A2ML1: variants seen among roughly 807,000 people sequenced by gnomAD.
A2ML1 encodes the protein alpha-2-macroglobulin like 1.
Under a neutral mutation model 181.9 loss-of-function variants are expected in A2ML1, and 161 were observed. That is an observed-to-expected ratio of 0.89 (90% CI 0.78 to 1.01). A2ML1 has a LOEUF of 1.01. Among genes scored for constraint, A2ML1 ranks in the 50% least tolerant of loss-of-function variants. The probability of loss-of-function intolerance (pLI) is 0.00; values close to 1 mark genes in which losing one functional copy is unlikely to be tolerated. For synonymous variants in A2ML1, 663 were observed against 666.8 expected (o/e 0.99, Z 0.09); for missense variants, 1,670 against 1,768.1 (o/e 0.94, Z 1.00).
chr12:8,875,162 T>C (rs1944762159), intron 35 of A2ML1, 150 bp downstream of exon 35: 1 of 770,444 alleles, frequency 1.3e-6, no homozygotes, highest in Non-Finnish European at 2.1e-6. Flanking sequence ...GTTGAGTGGC[T>C]CACTTCCCAG....
intron 4 of A2ML1, among the ~76,000 whole-genome samples, chr12:8,830,210 C>T (rs1159289363): frequency 1.3e-5 from 2 of 151,990 alleles, no homozygotes; most frequent in Non-Finnish European, 2.9e-5. Flanking sequence ...CACCATCACG[C>T]CTGGCTAATT....
At chr12:8,857,032 C>T (rs748488171) in intron 23 of A2ML1, 132 bp from the exon 24 acceptor site, 5 of 863,420 alleles carry the variant, frequency 5.8e-6, no homozygotes, top group Non-Finnish European at 8.6e-6. Context: ...AGGCGTGAGC[C>T]ACCACGCCCG....
intron 34 of A2ML1, 78 bp from the exon 35 acceptor site, chr12:8,874,893 C>A: frequency 7.1e-7 from 1 of 1,410,116 alleles, no homozygotes; most frequent in Non-Finnish European, 1.0e-6. Flanking sequence ...GGGGCTCAAG[C>A]AGTAGCTTTT....
chr12:8,843,049 G>T, intron 11 of A2ML1, 85 bp from the exon 12 acceptor site: 1 of 1,184,006 alleles, frequency 8.4e-7, no homozygotes, highest in Non-Finnish European at 1.2e-6. Context: ...GAGAGAAAGA[G>T]CTCTATTTGA....
chr12:8,847,719 A>G, intron 15 of A2ML1, 21 bp downstream of exon 15: 1 of 1,602,300 alleles, frequency 6.2e-7, no homozygotes, highest in Non-Finnish European at 8.5e-7. Flanking sequence ...GTCTGCTGAC[A>G]GAGTGGGAGG....
At chr12:8,834,755 A>G in intron 5 of A2ML1, 73 bp downstream of exon 5, 1 of 1,580,836 alleles carries the variant, frequency 6.3e-7, no homozygotes, top group Non-Finnish European at 8.7e-7. Context: ...GTACACCTTG[A>G]AGACAGAAGC....
Position 8,867,879 on chromosome 12 carries a change from C to A in A2ML1, c.3755C>A (p.Ala1252Asp). The stretch of plus-strand genomic sequence containing the variant: ...GCTCTCCAAGCTCTTGCCAAATATG[C>A]CACTACCGCCTACATGCCATCTGAG... ...VVALQALAKY[A>D]TTAYMPSEEI... Residue 1252 changes from alanine (A) to aspartate (D), a missense_variant, in exon 30 of 36, where the codon GCC (alanine) becomes GAC (aspartate). Coordinates refer to ENST00000299698, the MANE Select transcript of A2ML1 (RefSeq NM_144670.6). 6.2e-7 allele frequency: 1 copy of A among 1,614,222 alleles called. No homozygotes were observed. Among genetic ancestry groups the A allele is most frequent in the South Asian group, 1.1e-5 (1 of 91,088 alleles).
intron 14 of A2ML1, 94 bp from the exon 15 acceptor site, chr12:8,847,455 T>G (rs1193666054): frequency 1.3e-5 from 18 of 1,396,968 alleles, no homozygotes; most frequent in Non-Finnish European, 1.7e-5. Flanking sequence ...TTGGATGTCA[T>G]AGCTGGGGCA....
intron 32 of A2ML1, 56 bp from the exon 33 acceptor site, chr12:8,869,079 T>C: frequency 1.9e-6 from 3 of 1,556,824 alleles, no homozygotes; most frequent in East Asian, 2.2e-5. Flanking sequence ...TTTGGAAGAC[T>C]ACCCCAGGGA....
rs755052089 is a variant in A2ML1 at position 8,868,580 on chromosome 12, G to T, written c.4105G>T (p.Val1369Leu). ...CTCTTCCAATATGGCTATTGTGGAA[G>T]TGAAGATGCTATCTGGGTTCAGTCC... ...RSSSNMAIVE[V>L]KMLSGFSPME... Residue 1369 changes from valine to leucine, a missense_variant, in exon 32 of 36, where the codon GTG (valine) becomes TTG (leucine). Coordinates refer to ENST00000299698, the MANE Select transcript of A2ML1 (RefSeq NM_144670.6). 3 of 1,614,116 alleles carry T rather than the reference G, an allele frequency of 1.9e-6. No homozygotes were observed. In the East Asian group the frequency reaches 6.7e-5, roughly 36 times the overall value.
chr12:8,854,130 C>A lies in A2ML1; in HGVS notation c.2593C>A (p.His865Asn). The A allele has an allele frequency of 6.3e-7, 1 of 1,585,428 alleles. No homozygotes were observed. The highest frequency in any genetic ancestry group is 1.3e-5 in the African/African-American group (1 of 74,362). The change falls in exon 21 of 36, where the codon CAC (histidine) becomes AAC (asparagine). Residue 865 changes from histidine to asparagine, a missense_variant and splice_region_variant. By Grantham distance (68) the His-to-Asn change is moderately conservative (BLOSUM62 1). Transcript: ENST00000299698. ...GCTTCCCTTCTTCTTTCTCTCAGGT[C>A]ACATTAACTTTACTATTAGTACAAA... ...HWNITAVKLG[H>N]INFTISTKIL...
At position 8,835,551 on chromosome 12, in the gene A2ML1, T is replaced by C. The variant is rs770938725; in HGVS notation, c.528T>C (p.Pro176=). Residue 176 remains proline, a synonymous_variant, in exon 6 of 36, where the codon CCT becomes CCC. Coordinates refer to ENST00000299698, the MANE Select transcript of A2ML1 (RefSeq NM_144670.6). The part of the protein sequence containing the change: ...NRIAQWLEVV[P]EQGIVDLSFQ... ...TTGCACAGTGGCTGGAAGTGGTACC[T>C]GAGCAAGGCATTGTAGACCTGTCCT... is the stretch of plus-strand genomic sequence containing the variant. The C allele has an allele frequency of 3.0e-5, 48 of 1,614,188 alleles. No individual in the cohort carries two copies. Among genetic ancestry groups the C allele is most frequent in the Admixed American group, 2.8e-4 (17 of 60,024 alleles).
intron 10 of A2ML1, among the ~76,000 whole-genome samples, chr12:8,840,953 A>G (rs977894322): frequency 1.3e-5 from 2 of 149,444 alleles, no homozygotes; most frequent in African/African-American, 2.5e-5. Flanking sequence ...GAAAGAAGGA[A>G]GGAAGGAAGG....
At chr12:8,823,523 C>A in intron 2 of A2ML1, 158 bp downstream of exon 2, 2 of 1,072,244 alleles carry the variant, frequency 1.9e-6, no homozygotes, top group South Asian at 1.6e-5. Context: ...TATAACTCAC[C>A]CACGGTTTCC....
rs977688382 is a variant in A2ML1 at position 8,864,902 on chromosome 12, C to T, written c.3717+894C>T. Reference sequence around the variant, plus strand: ...AGTCTTAGCCGGGCACAGTGACTCACGCCTATAATCCCAGCACTTTGGCAG... The same window carrying T: ...AGTCTTAGCCGGGCACAGTGACTCATGCCTATAATCCCAGCACTTTGGCAG... On this transcript the variant is annotated intron_variant, in intron 29 of 35. Transcript: ENST00000299698. Among the ~76,000 whole-genome samples, 2 of 15,294 alleles carry T rather than the reference C, an allele frequency of 1.3e-4. 1 individual carries two copies. Among genetic ancestry groups the T allele is most frequent in the African/African-American group, 1.4e-4 (2 of 14,350 alleles). 10.0% of individuals were successfully genotyped at this position (15,294 alleles called of 152,430 possible).
At chr12:8,853,852 C>T (rs1565482535) in intron 20 of A2ML1, among the ~76,000 whole-genome samples, 1 of 152,206 alleles carries the variant, frequency 6.6e-6, no homozygotes, top group Non-Finnish European at 1.5e-5. Flanking sequence ...AAGCGAGTCA[C>T]TCAATCCAGC....
In A2ML1 at chr12:8,843,149, G is replaced by C. The variant is rs376571470; in HGVS notation, c.1264G>C (p.Glu422Gln). The C allele has an allele frequency of 6.2e-7, 1 of 1,613,886 alleles. No individual in the cohort carries two copies. Among genetic ancestry groups the C allele is most frequent in the Admixed American group, 1.7e-5 (1 of 59,982 alleles). Residue 422 changes from glutamate to glutamine, a missense_variant, in exon 12 of 36, where the codon GAA becomes CAA. Physicochemically the swap from Glu to Gln is conservative, Grantham distance 29 (BLOSUM62 2). Coordinates refer to ENST00000299698, the MANE Select transcript of A2ML1 (RefSeq NM_144670.6). ...DVSLEGKFQM[E>Q]DLVYNPEQVP... ...TTATTCTCAGGGAAAGTTTCAAATG[G>C]AAGACTTAGTATATAATCCGGAACA...
chr12:8,863,831 A>G lies in A2ML1; in HGVS notation c.3540A>G (p.Ser1180=), dbSNP rs761408438. The part of the protein sequence containing the change: ...SIYWSQKPTP[S]SNASPWSEPA... The stretch of plus-strand genomic sequence containing the variant: ...ACTGGAGCCAGAAACCTACTCCATC[A>G]TCGAACGCCAGCCCTTGGTCTGAGC... Residue 1180 remains serine, a synonymous_variant, in exon 29 of 36, where the codon TCA becomes TCG. Coordinates refer to ENST00000299698, the MANE Select transcript of A2ML1 (RefSeq NM_144670.6). 14 of 1,614,084 alleles carry G rather than the reference A, an allele frequency of 8.7e-6. No individual in the cohort carries two copies. The highest frequency in any genetic ancestry group is 1.2e-5 in the Non-Finnish European group (14 of 1,180,026).
chr12:8,832,619 C>T (rs978368871), intron 4 of A2ML1, among the ~76,000 whole-genome samples: 3 of 152,130 alleles, frequency 2.0e-5, no homozygotes, highest in South Asian at 2.1e-4. Flanking sequence ...TTTGCAAAGG[C>T]GGCTTCAGTC....
Sources: gnomAD v4.1 joint callset for allele counts (sites outside exome capture counted in the v4.1 genomes callset) on GRCh38, gnomAD v4.1.1 for gene constraint, MANE v1.5 for transcripts, NCBI Gene and HGNC (gene_info 2026-07-23, HGNC 2026-07-21) for gene names.